The following ADAM29 variants were observed in gnomAD, a reference collection of about 807,000 sequenced individuals.
The protein encoded by ADAM29 is disintegrin and metalloproteinase domain-containing protein 29.
For missense variants in ADAM29, 969 were observed against 1,001.8 expected, an observed-to-expected ratio of 0.97 and a Z score of 0.44; for synonymous variants, 367 against 342.3, an observed-to-expected ratio of 1.07 and a Z score of -0.80.
intron 4 of ADAM29, 69 bp from the exon 5 acceptor site, chr4:174,975,277 C>A: frequency 2.7e-6 from 1 of 366,396 alleles, no homozygotes; most frequent in Non-Finnish European, 4.8e-6. Context: ...CTCCTCTTCC[C>A]CACTGGATTC....
At chr4:174,933,765 A>G (rs560840502) in intron 3 of ADAM29, among the ~76,000 whole-genome samples, 193 of 152,280 alleles carry the variant, frequency 1.3e-3, no homozygotes, top group Non-Finnish European at 1.5e-3. Flanking sequence ...GCTAAGGATG[A>G]TGGCCTCCAG....
chr4:174,977,603 G>A lies in ADAM29; in HGVS notation c.2078G>A (p.Cys693Tyr), dbSNP rs1746930307. 3 of 1,613,630 alleles carry A rather than the reference G, an allele frequency of 1.9e-6. No individual in the cohort carries two copies. The highest frequency in any genetic ancestry group is 2.5e-6 in the Non-Finnish European group (3 of 1,179,800). The change falls in exon 5 of 5, where the codon TGT becomes TAT. Residue 693 changes from cysteine (C) to tyrosine (Y), a missense_variant. Cys to Tyr is a radical substitution (Grantham distance 194). Coordinates refer to ENST00000359240, the MANE Select transcript of ADAM29 (RefSeq NM_014269.4). ...LLIVLFILLCCLYRLCKKSKP... is the reference protein window; with the variant it reads ...LLIVLFILLCYLYRLCKKSKP... ...ATTGTTTTGTTTATTTTATTATGTT[G>A]TCTTTATCGACTTTGTAAAAAAAGT... is the stretch of plus-strand genomic sequence containing the variant.
At chr4:174,940,070 T>A (rs896060862) in intron 4 of ADAM29, among the ~76,000 whole-genome samples, 5 of 152,068 alleles carry the variant, frequency 3.3e-5, no homozygotes, top group African/African-American at 1.2e-4. Flanking sequence ...AGGGTAGATT[T>A]TATATAGTTA....
chr4:174,962,464 A>G (rs1330706435), intron 4 of ADAM29, among the ~76,000 whole-genome samples: 3 of 150,982 alleles, frequency 2.0e-5, no homozygotes, highest in African/African-American at 7.3e-5. Flanking sequence ...GTGAGCCGAG[A>G]TCGCGCCACT....
intron 2 of ADAM29, among the ~76,000 whole-genome samples, chr4:174,922,163 A>T (rs2110890560): frequency 6.6e-6 from 1 of 152,340 alleles, no homozygotes; most frequent in African/African-American, 2.4e-5. Context: ...GTCACCAGGA[A>T]CATTAATAAG....
At chr4:174,964,583 T>C (rs1746044317) in intron 4 of ADAM29, among the ~76,000 whole-genome samples, 1 of 152,118 alleles carries the variant, frequency 6.6e-6, no homozygotes, top group South Asian at 2.1e-4. Flanking sequence ...GACCATAATC[T>C]ATCTATTTTA....
At chr4:174,934,825 T>A (rs1744109514) in intron 3 of ADAM29, among the ~76,000 whole-genome samples, 1 of 152,136 alleles carries the variant, frequency 6.6e-6, no homozygotes, top group African/African-American at 2.4e-5. Context: ...GACCTTCAAT[T>A]TGGCCCACAG....
At chr4:174,963,985 A>T (rs1417840541) in intron 4 of ADAM29, among the ~76,000 whole-genome samples, 1 of 151,632 alleles carries the variant, frequency 6.6e-6, no homozygotes, top group Non-Finnish European at 1.5e-5. Context: ...ATGTTAATTT[A>T]AACATAGTTT....
intron 4 of ADAM29, among the ~76,000 whole-genome samples, chr4:174,953,348 T>C (rs954952277): frequency 3.3e-5 from 5 of 152,018 alleles, no homozygotes; most frequent in African/African-American, 1.2e-4. Context: ...TGTTTACTCT[T>C]ACTTATTTTT....
chr4:174,932,888 T>C (rs1194896674), intron 3 of ADAM29, among the ~76,000 whole-genome samples: 1 of 152,106 alleles, frequency 6.6e-6, no homozygotes, highest in Non-Finnish European at 1.5e-5. Flanking sequence ...ATAAGACTTA[T>C]TGTGTGTTCA....
intron 4 of ADAM29, among the ~76,000 whole-genome samples, chr4:174,942,982 CTG>C (rs1437102059): frequency 1.3e-5 from 2 of 152,196 alleles, no homozygotes; most frequent in Non-Finnish European, 2.9e-5. Flanking sequence ...GAAATTTCTT[CTG>C]TCAGATACTT....
chr4:174,952,804 C>T (rs1329887951), intron 4 of ADAM29, among the ~76,000 whole-genome samples: 1 of 152,078 alleles, frequency 6.6e-6, no homozygotes, highest in Non-Finnish European at 1.5e-5. Context: ...GGACAACTAC[C>T]CTGGGCATAG....
chr4:174,921,285 C>T (rs1743146324), intron 2 of ADAM29, among the ~76,000 whole-genome samples: 1 of 152,188 alleles, frequency 6.6e-6, no homozygotes, highest in Admixed American at 6.5e-5. Flanking sequence ...CTCTGGCCCA[C>T]TTAGAGTGGC....
chr4:174,920,082 C>T (rs191565408), intron 1 of ADAM29, among the ~76,000 whole-genome samples: 88 of 152,234 alleles, frequency 5.8e-4, no homozygotes, highest in Admixed American at 2.2e-3. Flanking sequence ...TATGAGCCTG[C>T]GTCATCATGA....
In ADAM29 at chr4:174,975,513, A is replaced by G; in HGVS notation, c.-13A>G. 1.3e-6 allele frequency: 2 copies of G among 1,496,894 alleles called. No individual in the cohort carries two copies. The highest frequency in any genetic ancestry group is 1.8e-6 in the Non-Finnish European group (2 of 1,122,480). The allele number at this position is 1,496,894 out of a possible 1,614,324, so 92.7% of individuals were successfully genotyped here. A position where few individuals can be genotyped will look rare whatever the true frequency, so the allele number is the denominator to read the frequency against. On this transcript the variant is annotated 5_prime_UTR_variant, in exon 5 of 5. Transcript: ENST00000359240. The stretch of plus-strand genomic sequence containing the variant: ...GGACTTCAAAATCACTGTGATTTGA[A>G]GCCTTTTTGAACATGAAGATGTTAC...
chr4:174,939,984 C>A (rs543522488), intron 4 of ADAM29, among the ~76,000 whole-genome samples: 1 of 151,992 alleles, frequency 6.6e-6, no homozygotes, highest in Non-Finnish European at 1.5e-5. Flanking sequence ...CTCCCTACCT[C>A]CCTACCTTTC....
chr4:174,958,504 T>A (rs1168760401), intron 4 of ADAM29, among the ~76,000 whole-genome samples: 2 of 151,802 alleles, frequency 1.3e-5, no homozygotes, highest in East Asian at 3.9e-4. Context: ...TCTTCCTCCA[T>A]CCTTTTAATT....
At chr4:174,921,640 T>G (rs1215145564) in intron 2 of ADAM29, among the ~76,000 whole-genome samples, 1 of 152,204 alleles carries the variant, frequency 6.6e-6, no homozygotes, top group African/African-American at 2.4e-5. Context: ...AACTCACATA[T>G]ATTTTGATCC....
At chr4:174,967,563 C>T (rs1277358087) in intron 4 of ADAM29, among the ~76,000 whole-genome samples, 3 of 152,122 alleles carry the variant, frequency 2.0e-5, no homozygotes, top group African/African-American at 7.2e-5. Context: ...GCTTTTGACC[C>T]ACCTTAATGG....
Sources: allele counts gnomAD v4.1 joint callset (sites outside exome capture counted in the v4.1 genomes callset), GRCh38; gene constraint gnomAD v4.1.1; transcripts MANE v1.5; gene names NCBI Gene and HGNC (gene_info 2026-07-23, HGNC 2026-07-21).